Variants in MACROD2 observed in about 807,000 individuals in gnomAD.
The protein encoded by MACROD2 is ADP-ribose glycohydrolase MACROD2.
A neutral mutation model predicts 70.4 loss-of-function variants in MACROD2; 36 were observed. That is an observed-to-expected ratio of 0.51 (90% CI 0.39 to 0.68). MACROD2 has a LOEUF of 0.68. Among genes scored for constraint, MACROD2 ranks in the 30% least tolerant of loss-of-function variants. The pLI is 0.00. For missense variants in MACROD2, 496 were observed against 538.4 expected (o/e 0.92, Z 0.78); for synonymous variants, 172 against 178.8 (o/e 0.96, Z 0.30).
chr20:14,807,686 G>A (rs2072656305), intron 5 of MACROD2, among the ~76,000 whole-genome samples: 1 of 152,088 alleles, frequency 6.6e-6, no homozygotes, highest in Non-Finnish European at 1.5e-5. Context: ...AGGAAGCTAA[G>A]AACCTTGATA....
chr20:15,103,638 G>T (rs1013907960), intron 5 of MACROD2, among the ~76,000 whole-genome samples: 15 of 152,254 alleles, frequency 9.9e-5, no homozygotes, highest in African/African-American at 3.4e-4. Flanking sequence ...AGTTCTAGTG[G>T]AGTTAAAATT....
intron 8 of MACROD2, among the ~76,000 whole-genome samples, chr20:15,514,210 C>G (rs1421463280): frequency 1.3e-5 from 2 of 152,154 alleles, no homozygotes; most frequent in African/African-American, 4.8e-5. Flanking sequence ...TTAGGGTTGC[C>G]TACATGTACA....
chr20:14,468,328 C>T (rs1352209642), intron 3 of MACROD2, among the ~76,000 whole-genome samples: 1 of 151,736 alleles, frequency 6.6e-6, no homozygotes, highest in Non-Finnish European at 1.5e-5. Context: ...GGATAGTTAG[C>T]TCTTCTTGTT....
At chr20:15,363,482 G>T (rs1173801550) in intron 6 of MACROD2, among the ~76,000 whole-genome samples, 1 of 152,184 alleles carries the variant, frequency 6.6e-6, no homozygotes. Flanking sequence ...TGAGTTGGTG[G>T]CAGAAGTGAC....
chr20:15,584,336 T>C (rs1354573717), intron 8 of MACROD2, among the ~76,000 whole-genome samples: 1 of 150,870 alleles, frequency 6.6e-6, no homozygotes, highest in Non-Finnish European at 1.5e-5. Context: ...AGAAAGCAAA[T>C]TATAGAGCTA....
intron 3 of MACROD2, among the ~76,000 whole-genome samples, chr20:14,345,472 A>G (rs1233832610): frequency 6.6e-6 from 1 of 151,960 alleles, no homozygotes; most frequent in Admixed American, 6.6e-5. Flanking sequence ...CTTTTAAATC[A>G]TATTTGTGTC....
chr20:14,648,124 A>C (rs960064149), intron 4 of MACROD2, among the ~76,000 whole-genome samples: 1 of 152,122 alleles, frequency 6.6e-6, no homozygotes, highest in Admixed American at 6.6e-5. Flanking sequence ...TTTTTGTGAC[A>C]TTAGAAATGG....
chr20:15,905,239 A>C (rs767240708), intron 10 of MACROD2, among the ~76,000 whole-genome samples: 1 of 152,234 alleles, frequency 6.6e-6, no homozygotes, highest in Non-Finnish European at 1.5e-5. Context: ...CTCGTTTCAC[A>C]GATGAGGAAA....
At chr20:14,126,206 T>C (rs1025573496) in intron 3 of MACROD2, among the ~76,000 whole-genome samples, 1 of 152,194 alleles carries the variant, frequency 6.6e-6, no homozygotes, top group Non-Finnish European at 1.5e-5. Flanking sequence ...CCTGAGGTCT[T>C]TCTCCTTGGC....
At chr20:14,414,485 T>A (rs534034952) in intron 3 of MACROD2, among the ~76,000 whole-genome samples, 9 of 152,260 alleles carry the variant, frequency 5.9e-5, no homozygotes, top group Admixed American at 5.9e-4. Flanking sequence ...GGCAGTAACC[T>A]CCTCATTTGT....
intron 4 of MACROD2, chr20:14,547,210 A>C (rs2085500867): frequency 3.8e-6 from 2 of 531,764 alleles, no homozygotes; most frequent in African/African-American, 2.0e-5. Flanking sequence ...GGATGTAAGC[A>C]GTGCTGCATC....
intron 8 of MACROD2, among the ~76,000 whole-genome samples, chr20:15,621,096 G>T (rs186501560): frequency 3.9e-5 from 6 of 152,294 alleles, no homozygotes. Context: ...ACTTGGGGAT[G>T]TCACTTTGTT....
intron 3 of MACROD2, among the ~76,000 whole-genome samples, chr20:14,427,903 T>C (rs2083951572): frequency 6.6e-6 from 1 of 152,122 alleles, no homozygotes; most frequent in Non-Finnish European, 1.5e-5. Context: ...CTCTTTATAA[T>C]GGAAATGATT....
chr20:15,037,437 T>C (rs1339288162), intron 5 of MACROD2, among the ~76,000 whole-genome samples: 2 of 152,210 alleles, frequency 1.3e-5, no homozygotes, highest in Admixed American at 1.3e-4. Flanking sequence ...TTAAGTGAAG[T>C]CACTTGCCCA....
At chr20:15,982,180 G>C (rs1414254670) in intron 13 of MACROD2, among the ~76,000 whole-genome samples, 1 of 152,090 alleles carries the variant, frequency 6.6e-6, no homozygotes, top group Non-Finnish European at 1.5e-5. Flanking sequence ...GTGATCATGG[G>C]GGGTTCAGAG....
intron 5 of MACROD2, among the ~76,000 whole-genome samples, chr20:14,868,688 A>G (rs2073454621): frequency 6.6e-6 from 1 of 152,076 alleles, no homozygotes; most frequent in Non-Finnish European, 1.5e-5. Flanking sequence ...ACCATCAGAA[A>G]ATTTGAAATT....
At chr20:14,517,560 A>T (rs2085116110) in intron 4 of MACROD2, among the ~76,000 whole-genome samples, 1 of 152,140 alleles carries the variant, frequency 6.6e-6, no homozygotes, top group Admixed American at 6.5e-5. Context: ...TAGGGGAGGG[A>T]TAGCATTAGG....
chr20:14,920,315 A>AGTT (rs1022826637), intron 5 of MACROD2, among the ~76,000 whole-genome samples: 1 of 152,156 alleles, frequency 6.6e-6, no homozygotes, highest in Non-Finnish European at 1.5e-5. Context: ...ACAAGGTAAT[A>AGTT]GTTGGGTAAA....
chr20:15,516,734 G>A (rs983141063), intron 8 of MACROD2, among the ~76,000 whole-genome samples: 7 of 152,188 alleles, frequency 4.6e-5, no homozygotes, highest in African/African-American at 1.7e-4. Context: ...AGGTCTCAGA[G>A]AGTTTGTAAA....
Sources: gnomAD v4.1 joint callset for allele counts (sites outside exome capture counted in the v4.1 genomes callset) on GRCh38, gnomAD v4.1.1 for gene constraint, MANE v1.5 for transcripts, NCBI Gene and HGNC (gene_info 2026-07-23, HGNC 2026-07-21) for gene names.